The following EFHB variants were observed in gnomAD, a reference collection of about 807,000 sequenced individuals.
EFHB encodes EF-hand domain-containing family member B.
EFHB carries 91 observed loss-of-function variants against 87.2 expected under a neutral mutation model. The observed-to-expected ratio is 1.04, with a 90% CI of 0.88 to 1.24. The LOEUF is 1.24. Among genes scored for constraint, EFHB ranks in the 50% most tolerant of loss-of-function variants. The probability of loss-of-function intolerance (pLI) is 0.00; values close to 1 mark genes in which losing one functional copy is unlikely to be tolerated. For synonymous variants in EFHB, 325 were observed against 333.6 expected, an observed-to-expected ratio of 0.97 and a Z score of 0.28; for missense variants, 1,084 against 998.8, an observed-to-expected ratio of 1.09 and a Z score of -1.15.
rs940211024 is a variant in EFHB at position 19,881,709 on chromosome 3, G to A, written c.2328+841C>T. On this transcript the variant is annotated intron_variant, in intron 12 of 12. Coordinates refer to ENST00000295824, the MANE Select transcript of EFHB (RefSeq NM_144715.4). ...GCTGGGATGCATCTGCCATTAATTC[G>A]GTTAGTATTTAATACATTTCCAAGC... Among the ~76,000 whole-genome samples, 8 of 152,044 alleles carry A rather than the reference G, an allele frequency of 5.3e-5. No homozygotes were observed. In the East Asian group the frequency reaches 7.8e-4, roughly 15 times the overall value.
At chr3:19,881,579 T>C (rs2071677035) in intron 12 of EFHB, among the ~76,000 whole-genome samples, 2 of 152,182 alleles carry the variant, frequency 1.3e-5, no homozygotes, top group East Asian at 3.9e-4. Flanking sequence ...GAGGTTTTCT[T>C]CTTTGACCCA....
chr3:19,920,595 T>C, intron 1 of EFHB, 28 bp from the exon 2 acceptor site: 4 of 1,562,874 alleles, frequency 2.6e-6, no homozygotes, highest in Non-Finnish European at 3.5e-6. Context: ...GGGTTGATCA[T>C]TGCCAGGGTG....
At chr3:19,914,887 T>G (rs1695173085) in intron 5 of EFHB, among the ~76,000 whole-genome samples, 1 of 151,978 alleles carries the variant, frequency 6.6e-6, no homozygotes, top group African/African-American at 2.4e-5. Flanking sequence ...CTCAGGAGTT[T>G]CAGAACAGCG....
intron 4 of EFHB, 75 bp from the exon 5 acceptor site, chr3:19,915,488 C>T (rs1695198113): frequency 1.1e-6 from 1 of 922,852 alleles, no homozygotes; most frequent in East Asian, 2.6e-5. Context: ...TTGACTAGAA[C>T]AAATGAGAAA....
Position 19,933,259 on chromosome 3 carries a change from A to C in EFHB, c.760T>G (p.Phe254Val). The C allele has an allele frequency of 6.2e-7, 1 of 1,613,488 alleles. No individual in the cohort carries two copies. The highest frequency in any genetic ancestry group is 8.5e-7 in the Non-Finnish European group (1 of 1,179,520). ...GGCCAGCAAGGGGTCCGATCAAAAA[A>C]CTTCCCAGAGTATATGGGTCTGATG... The part of the protein sequence containing the change: ...DRIRPIYSGK[F>V]FDRTPCWPSA... The change falls in exon 1 of 13, where the codon TTT (phenylalanine) becomes GTT (valine). Residue 254 changes from phenylalanine (F) to valine (V), a missense_variant. Coordinates refer to ENST00000295824, the MANE Select transcript of EFHB (RefSeq NM_144715.4).
rs755470847 is a variant in EFHB, at chr3:19,915,409, G to T, written c.1182C>A (p.Tyr394Ter). ...GTGGATTCACCACATCTTTAGCAGAGTATTCTGAAGGAAGAATTAATAAAA... is the reference window on the plus strand; with the variant it reads ...GTGGATTCACCACATCTTTAGCAGATTATTCTGAAGGAAGAATTAATAAAA... ...TTFGTAVIKE[Y>*]SAKDVVNPPK... The change falls in exon 5 of 13, where the codon TAC (tyrosine) becomes TAA (stop). Residue 394 changes from tyrosine to a stop codon, truncating the protein, a stop_gained. Transcript: ENST00000295824. LOFTEE classifies it high-confidence loss of function. The T allele has an allele frequency of 3.8e-6, 6 of 1,594,922 alleles. No homozygotes were observed. Among genetic ancestry groups the T allele is most frequent in the East Asian group, 2.2e-5 (1 of 44,680 alleles).
chr3:19,922,620 G>T (rs1452370590), intron 1 of EFHB, among the ~76,000 whole-genome samples: 2 of 152,136 alleles, frequency 1.3e-5, no homozygotes, highest in Non-Finnish European at 2.9e-5. Flanking sequence ...CTAGCCAGTG[G>T]GCAGTGTATA....
At chr3:19,889,950 G>A (rs1694248569) in intron 9 of EFHB, among the ~76,000 whole-genome samples, 1 of 152,132 alleles carries the variant, frequency 6.6e-6, no homozygotes, top group African/African-American at 2.4e-5. Flanking sequence ...CTGCGCCATT[G>A]CACTCCAGAC....
At chr3:19,938,723 TC>T (rs1221128018), upstream of EFHB, among the ~76,000 whole-genome samples, 2 of 152,126 alleles carry the variant, frequency 1.3e-5, no homozygotes, top group East Asian at 3.9e-4. Flanking sequence ...CTGCAGTCTC[TC>T]CTCACCCCAA....
At chr3:19,908,642 AAGAAAG>A (rs1229081916) in intron 5 of EFHB, among the ~76,000 whole-genome samples, 1 of 149,414 alleles carries the variant, frequency 6.7e-6, no homozygotes, top group Non-Finnish European at 1.5e-5. Context: ...GAAAGAAAGA[AAGAAAG>A]AAAGAAAAAG....
chr3:19,930,864 G>T (rs1458152743), intron 1 of EFHB, among the ~76,000 whole-genome samples: 1 of 152,196 alleles, frequency 6.6e-6, no homozygotes, highest in South Asian at 2.1e-4. Flanking sequence ...TGGGCGTGGT[G>T]GCTCATGCCT....
intron 4 of EFHB, among the ~76,000 whole-genome samples, chr3:19,915,917 G>T (rs1695214424): frequency 6.6e-6 from 1 of 152,140 alleles, no homozygotes; most frequent in African/African-American, 2.4e-5. Flanking sequence ...GGTGGAGGTT[G>T]CAGTGAGCCG....
intron 5 of EFHB, among the ~76,000 whole-genome samples, chr3:19,913,083 A>T (rs764623906): frequency 8.5e-5 from 13 of 152,188 alleles, no homozygotes; most frequent in Non-Finnish European, 1.5e-4. Flanking sequence ...AACACACTGG[A>T]TATAGAAGGA....
chr3:19,908,594 GAGAGAGAA>G (rs1166745935), intron 5 of EFHB, among the ~76,000 whole-genome samples: 2,347 of 90,338 alleles, frequency 0.026, 15 homozygotes, highest in East Asian at 0.046. Context: ...GAGAGAGAGA[GAGAGAGAA>G]AGAAAGAAAG....
chr3:19,931,122 C>G (rs1474447173), intron 1 of EFHB, among the ~76,000 whole-genome samples: 1 of 151,998 alleles, frequency 6.6e-6, no homozygotes, highest in East Asian at 1.9e-4. Flanking sequence ...GAGATTGCAC[C>G]CCTGCACTCC....
chr3:19,906,053 G>C (rs1453158734), intron 5 of EFHB, among the ~76,000 whole-genome samples: 3 of 152,198 alleles, frequency 2.0e-5, no homozygotes, highest in African/African-American at 7.2e-5. Context: ...GGGCACAGTA[G>C]CTCATGCCTG....
upstream of EFHB, among the ~76,000 whole-genome samples, chr3:19,937,995 C>T (rs2929346): frequency 0.64 from 97,724 of 151,992 alleles, 31,948 homozygotes; most frequent in African/African-American, 0.72. Context: ...CCCAAAAAGA[C>T]GGGGCTTAGT....
At chr3:19,891,530 A>G (rs959630805) in intron 9 of EFHB, among the ~76,000 whole-genome samples, 1 of 152,198 alleles carries the variant, frequency 6.6e-6, no homozygotes, top group African/African-American at 2.4e-5. Flanking sequence ...ACTAAAGGCC[A>G]TTCTCATGGC....
At chr3:19,937,356 G>A (rs998705675), upstream of EFHB, among the ~76,000 whole-genome samples, 1 of 151,996 alleles carries the variant, frequency 6.6e-6, no homozygotes, top group Non-Finnish European at 1.5e-5. Flanking sequence ...CCATACTCAA[G>A]TATTGAGAAT....
Sources: gnomAD v4.1 joint callset for allele counts (sites outside exome capture counted in the v4.1 genomes callset) on GRCh38, gnomAD v4.1.1 for gene constraint, MANE v1.5 for transcripts, NCBI Gene and HGNC (gene_info 2026-07-23, HGNC 2026-07-21) for gene names.